Variants in PTPRG observed in about 807,000 individuals in gnomAD.
PTPRG encodes the protein receptor-type tyrosine-protein phosphatase gamma.
In PTPRG, 102 loss-of-function variants were observed where a neutral mutation model predicts 165.3. The observed-to-expected ratio is 0.62, with a 90% CI of 0.53 to 0.73. PTPRG has a LOEUF of 0.73. Among genes scored for constraint, PTPRG ranks in the 30% least tolerant of loss-of-function variants. The pLI, the probability that PTPRG is intolerant of heterozygous loss-of-function variation, is 0.00. For missense variants in PTPRG, 1,866 were observed against 1,861.4 expected (o/e 1.00, Z -0.05); for synonymous variants, 675 against 669.5 (o/e 1.01, Z -0.13).
rs114160818 is a variant in PTPRG, at chr3:61,957,371, A to C, written c.191-32254A>C. ...TTTTATATGCTTTTTAGTAAAAATT[A>C]TTCATGGTGATCAATATTTCTTTCT... On this transcript the variant is annotated intron_variant, in intron 2 of 29. Coordinates refer to ENST00000474889, the MANE Select transcript of PTPRG (RefSeq NM_002841.4). 4.5e-3 allele frequency among the ~76,000 whole-genome samples: 682 copies of C among 152,356 alleles called. 5 individuals carry two copies. Among genetic ancestry groups the C allele is most frequent in the African/African-American group, 0.016 (655 of 41,582 alleles).
intron 1 of PTPRG, among the ~76,000 whole-genome samples, chr3:61,676,912 G>T (rs1703253070): frequency 6.6e-6 from 1 of 152,076 alleles, no homozygotes; most frequent in African/African-American, 2.4e-5. Context: ...TGTCCTGTGA[G>T]CCTCCAGTTA....
chr3:62,114,083 G>A (rs1702769698), intron 5 of PTPRG, among the ~76,000 whole-genome samples: 1 of 152,232 alleles, frequency 6.6e-6, no homozygotes, highest in Non-Finnish European at 1.5e-5. Context: ...CAGATCACCT[G>A]AGGTCAGGAG....
intron 2 of PTPRG, among the ~76,000 whole-genome samples, chr3:61,806,531 T>C (rs914782472): frequency 6.6e-6 from 1 of 152,172 alleles, no homozygotes; most frequent in Non-Finnish European, 1.5e-5. Context: ...GGTTTCTGAT[T>C]TGTGGATTTT....
intron 5 of PTPRG, among the ~76,000 whole-genome samples, chr3:62,126,883 C>G (rs1703312429): frequency 6.6e-6 from 1 of 152,190 alleles, no homozygotes; most frequent in African/African-American, 2.4e-5. Flanking sequence ...GCCAACATCT[C>G]TGATTCTGCT....
intron 1 of PTPRG, among the ~76,000 whole-genome samples, chr3:61,580,799 C>G (rs552093682): frequency 9.6e-4 from 146 of 152,276 alleles, no homozygotes; most frequent in Non-Finnish European, 1.1e-3. Context: ...CTTTTGGCTG[C>G]AGAAACCCTT....
intron 5 of PTPRG, among the ~76,000 whole-genome samples, chr3:62,098,116 C>G (rs1166254530): frequency 6.6e-6 from 1 of 152,070 alleles, no homozygotes; most frequent in African/African-American, 2.4e-5. Flanking sequence ...TCAATTTACT[C>G]TTCTATAGGG....
chr3:62,100,899 CTTCTTTTG>C (rs1271209143), intron 5 of PTPRG, among the ~76,000 whole-genome samples: 1 of 152,104 alleles, frequency 6.6e-6, no homozygotes, highest in African/African-American at 2.4e-5. Flanking sequence ...TAGAACCACG[CTTCTTTTG>C]TTCTTTTTCT....
intron 1 of PTPRG, among the ~76,000 whole-genome samples, chr3:61,654,061 CT>C (rs1298422572): frequency 6.6e-6 from 1 of 152,156 alleles, no homozygotes; most frequent in Non-Finnish European, 1.5e-5. Context: ...TTCCAGGGCA[CT>C]TTGACTTTGA....
At chr3:61,990,947 T>C (rs1303542951) in intron 3 of PTPRG, among the ~76,000 whole-genome samples, 7 of 151,974 alleles carry the variant, frequency 4.6e-5, no homozygotes, top group African/African-American at 7.3e-5. Context: ...TGGGCAGCTT[T>C]AGGGATCCAT....
chr3:61,651,697 T>C (rs1289308353), intron 1 of PTPRG, among the ~76,000 whole-genome samples: 2 of 152,186 alleles, frequency 1.3e-5, no homozygotes, highest in Non-Finnish European at 2.9e-5. Flanking sequence ...TTTATATATA[T>C]TGATCCATGT....
At chr3:61,849,060 C>T (rs1249053456) in intron 2 of PTPRG, among the ~76,000 whole-genome samples, 1 of 152,142 alleles carries the variant, frequency 6.6e-6, no homozygotes. Flanking sequence ...TTGGAGTACA[C>T]TGGGCCTTTT....
intron 26 of PTPRG, among the ~76,000 whole-genome samples, chr3:62,277,922 G>C (rs533639168): frequency 6.6e-6 from 1 of 151,904 alleles, no homozygotes; most frequent in Non-Finnish European, 1.5e-5. Context: ...TGTCTGTGGC[G>C]GTGTGGTAGA....
At chr3:61,854,317 A>T (rs1050386230) in intron 2 of PTPRG, among the ~76,000 whole-genome samples, 1 of 152,172 alleles carries the variant, frequency 6.6e-6, no homozygotes, top group African/African-American at 2.4e-5. Flanking sequence ...TTATAAAAAC[A>T]TTGAGCCTCG....
chr3:61,823,517 T>C (rs978770260), intron 2 of PTPRG, among the ~76,000 whole-genome samples: 7 of 151,856 alleles, frequency 4.6e-5, no homozygotes, highest in Non-Finnish European at 1.0e-4. Flanking sequence ...TGGAATCATA[T>C]TGCTCATTGC....
At chr3:61,900,778 A>G (rs912943929) in intron 2 of PTPRG, among the ~76,000 whole-genome samples, 59 of 152,032 alleles carry the variant, frequency 3.9e-4, no homozygotes, top group African/African-American at 1.3e-3. Flanking sequence ...ACTTGTCACT[A>G]TATGTGTGTA....
Position 62,203,092 on chromosome 3 carries a change from A to T in PTPRG, c.1378-81A>T. 2.6e-6 allele frequency: 4 copies of T among 1,514,664 alleles called. No individual in the cohort carries two copies. Among genetic ancestry groups the T allele is most frequent in the Non-Finnish European group, 3.5e-6 (4 of 1,131,954 alleles). The allele number at this position is 1,514,664 out of a possible 1,614,324, so 93.8% of individuals were successfully genotyped here. A position where few individuals can be genotyped will look rare whatever the true frequency, so the allele number is the denominator to read the frequency against. ...CTCAGAGGGTGACAACCAGGGCCTC[A>T]TTCCCAATCTCAATTACTGATGCTT... On this transcript the variant is annotated intron_variant, in intron 11 of 29. Transcript: ENST00000474889. The surrounding 1 kb of genome is among the most constrained non-coding windows in gnomAD (Gnocchi z 6.4).
At chr3:61,713,684 C>T (rs749698700) in intron 1 of PTPRG, among the ~76,000 whole-genome samples, 1 of 152,106 alleles carries the variant, frequency 6.6e-6, no homozygotes, top group Non-Finnish European at 1.5e-5. Context: ...CCAGATTTTA[C>T]GTGCTGGCCG....
chr3:62,205,203 G>C (rs1306483198), intron 12 of PTPRG, among the ~76,000 whole-genome samples: 2 of 152,124 alleles, frequency 1.3e-5, no homozygotes, highest in Non-Finnish European at 2.9e-5. Flanking sequence ...CTTTAGCTGT[G>C]ACTGGGGGAA....
At chr3:61,996,575 G>T (rs763284109) in intron 3 of PTPRG, among the ~76,000 whole-genome samples, 31 of 152,256 alleles carry the variant, frequency 2.0e-4, no homozygotes, top group Admixed American at 6.5e-5. Flanking sequence ...GTTTATATTG[G>T]GCGTGTCTAA....
Sources: gnomAD v4.1 joint callset for allele counts (sites outside exome capture counted in the v4.1 genomes callset) on GRCh38, gnomAD v4.1.1 for gene constraint, Gnocchi (gnomAD v3.1) non-coding constraint, MANE v1.5 for transcripts, NCBI Gene and HGNC (gene_info 2026-07-23, HGNC 2026-07-21) for gene names.